The following ATL3 variants were observed in gnomAD, a reference collection of about 807,000 sequenced individuals.
ATL3 encodes atlastin GTPase 3.
In ATL3, 49 loss-of-function variants were observed where a neutral mutation model predicts 69.5. The observed-to-expected ratio is 0.71, with a 90% CI of 0.56 to 0.89. The LOEUF (loss-of-function observed/expected upper bound fraction) is 0.89, where lower values mean the gene tolerates loss of function less well. Among genes scored for constraint, ATL3 ranks in the 40% least tolerant of loss-of-function variants. The probability of loss-of-function intolerance (pLI) is 0.00; values close to 1 mark genes in which losing one functional copy is unlikely to be tolerated. For synonymous variants in ATL3, 214 were observed against 224.1 expected (o/e 0.95, Z 0.40); for missense variants, 606 against 645.7 (o/e 0.94, Z 0.67).
At position 63,625,948 on chromosome 11, in the gene ATL3, CTT is replaced by C. The variant is rs927035549; in HGVS notation, c.*3369_*3370del. 2.6e-5 allele frequency: 4 copies of C among 151,816 alleles called. No homozygotes were observed. Among genetic ancestry groups the C allele is most frequent in the African/African-American group, 9.7e-5 (4 of 41,284 alleles). 9.4% of individuals were successfully genotyped at this position (151,816 alleles called of 1,614,324 possible). ...AGTGAGCCAAGATTGCGCCACTGCA[CTT>C]CAGCCTGGGTGACAGTACAAGAGTC... On this transcript the variant is annotated 3_prime_UTR_variant, in exon 13 of 13. Coordinates refer to ENST00000398868, the MANE Select transcript of ATL3 (RefSeq NM_015459.5).
intron 3 of ATL3, among the ~76,000 whole-genome samples, chr11:63,652,852 C>T (rs1399127848): frequency 1.3e-5 from 2 of 152,130 alleles, no homozygotes; most frequent in Admixed American, 6.6e-5. Flanking sequence ...AGCTTATCAC[C>T]CAGCCAGGCA....
chr11:63,671,865 G>C, upstream of ATL3: 1 of 538,710 alleles, frequency 1.9e-6, no homozygotes, highest in Non-Finnish European at 2.6e-6. Flanking sequence ...CCCAGGCCGA[G>C]GCTTTATCCT....
chr11:63,631,043 C>T lies in ATL3; in HGVS notation c.1536G>A (p.Glu512=). The change falls in exon 12 of 13, where the codon GAG becomes GAA. Residue 512 remains glutamate (E), a synonymous_variant. Transcript: ENST00000398868. Reference sequence around the variant, plus strand: ...GCTCTTCAGCAGCACCACTTACCTGCTCCAACACATATGCGGCACCAAAAT... The same window carrying T: ...GCTCTTCAGCAGCACCACTTACCTGTTCCAACACATATGCGGCACCAAAAT... The part of the protein sequence containing the change: ...AIDFGAAYVL[E]QASSHIGNST... The T allele has an allele frequency of 6.2e-7, 1 of 1,608,434 alleles. No individual in the cohort carries two copies. The highest frequency in any genetic ancestry group is 8.5e-7 in the Non-Finnish European group (1 of 1,176,946).
chr11:63,654,238 C>T (rs1197749672), intron 3 of ATL3, among the ~76,000 whole-genome samples: 2 of 151,578 alleles, frequency 1.3e-5, no homozygotes, highest in Non-Finnish European at 2.9e-5. Flanking sequence ...GCTCCGCCTC[C>T]CAGGTTCACG....
intron 6 of ATL3, 126 bp downstream of exon 6, chr11:63,646,381 A>G (rs920178142): frequency 1.4e-5 from 8 of 555,386 alleles, no homozygotes; most frequent in Admixed American, 3.3e-5. Flanking sequence ...AAATGTAAAA[A>G]CCATTCTTAG....
intron 1 of ATL3, among the ~76,000 whole-genome samples, chr11:63,665,437 G>A (rs1488592891): frequency 6.6e-6 from 1 of 152,032 alleles, no homozygotes; most frequent in African/African-American, 2.4e-5. Flanking sequence ...CAGCTATGGG[G>A]GAAAAGTCCT....
intron 8 of ATL3, among the ~76,000 whole-genome samples, chr11:63,641,372 G>A (rs894438246): frequency 6.6e-6 from 1 of 152,158 alleles, no homozygotes; most frequent in African/African-American, 2.4e-5. Context: ...CAAAATGCAT[G>A]TCCACCTGGA....
intron 3 of ATL3, among the ~76,000 whole-genome samples, chr11:63,654,209 C>T (rs1252861725): frequency 1.3e-5 from 2 of 150,148 alleles, no homozygotes; most frequent in East Asian, 2.0e-4. Flanking sequence ...TGCAGTGGCG[C>T]GATCTCGGCT....
intron 3 of ATL3, among the ~76,000 whole-genome samples, chr11:63,654,388 G>A (rs866895111): frequency 2.6e-5 from 4 of 151,474 alleles, no homozygotes; most frequent in African/African-American, 4.9e-5. Context: ...CTCATGATCC[G>A]CCCGCCTCAG....
chr11:63,639,760 T>TA, intron 8 of ATL3, among the ~76,000 whole-genome samples: 1 of 152,134 alleles, frequency 6.6e-6, no homozygotes, highest in Non-Finnish European at 1.5e-5. Context: ...GTCTCTAAAA[T>TA]AAATAAATAA....
At chr11:63,669,013 G>GT (rs1491416638) in intron 1 of ATL3, among the ~76,000 whole-genome samples, 1 of 125,972 alleles carries the variant, frequency 7.9e-6, no homozygotes, top group Non-Finnish European at 1.7e-5. Flanking sequence ...TTTTTTTTGG[G>GT]TGGGGGGGGG....
intron 1 of ATL3, among the ~76,000 whole-genome samples, chr11:63,665,870 A>T (rs1241708136): frequency 6.6e-6 from 1 of 152,136 alleles, no homozygotes; most frequent in Non-Finnish European, 1.5e-5. Context: ...CTGTCTCAAA[A>T]AAAAAAAAAG....
At chr11:63,663,797 C>T (rs1940493269) in intron 1 of ATL3, among the ~76,000 whole-genome samples, 1 of 152,194 alleles carries the variant, frequency 6.6e-6, no homozygotes, top group African/African-American at 2.4e-5. Context: ...CTCCCTCCTG[C>T]TATATAATAG....
chr11:63,671,563 C>T (rs891275200), upstream of ATL3: 3 of 1,419,712 alleles, frequency 2.1e-6, no homozygotes, highest in Non-Finnish European at 2.8e-6. Flanking sequence ...CTAGGCGAGG[C>T]GGGGCGGGAA....
chr11:63,644,355 C>T, intron 6 of ATL3, 94 bp from the exon 7 acceptor site: 4 of 536,190 alleles, frequency 7.5e-6, no homozygotes, highest in Non-Finnish European at 1.3e-5. Context: ...CCAGCTTCTA[C>T]AAAGGGGGTA....
intron 6 of ATL3, among the ~76,000 whole-genome samples, chr11:63,645,308 T>C (rs997078687): frequency 6.6e-6 from 1 of 151,220 alleles, no homozygotes; most frequent in African/African-American, 2.4e-5. Flanking sequence ...GGAAGGAGAA[T>C]TGCTTGAACC....
chr11:63,671,647 G>C (rs981618636), upstream of ATL3: 5 of 1,405,038 alleles, frequency 3.6e-6, no homozygotes, highest in Non-Finnish European at 4.7e-6. Flanking sequence ...TGTTGGCGGG[G>C]CGCTGAGTGC....
chr11:63,661,652 G>A (rs1047646546), intron 1 of ATL3, among the ~76,000 whole-genome samples: 3 of 152,144 alleles, frequency 2.0e-5, no homozygotes, highest in African/African-American at 7.2e-5. Context: ...CACTTTGGGA[G>A]GCCGAGGCGG....
intron 6 of ATL3, among the ~76,000 whole-genome samples, chr11:63,646,024 A>C (rs921742972): frequency 6.6e-6 from 1 of 151,458 alleles, no homozygotes; most frequent in African/African-American, 2.4e-5. Flanking sequence ...TTGGCCTCCC[A>C]AAGTGCTGGG....
Sources: allele counts gnomAD v4.1 joint callset (sites outside exome capture counted in the v4.1 genomes callset), GRCh38; gene constraint gnomAD v4.1.1; transcripts MANE v1.5; gene names NCBI Gene and HGNC (gene_info 2026-07-23, HGNC 2026-07-21).